ZNF558: variants seen among roughly 807,000 people sequenced by gnomAD.
The protein encoded by ZNF558 is zinc finger protein 558.
A neutral mutation model predicts 37.6 loss-of-function variants in ZNF558; 23 were observed. The ratio of observed to expected loss-of-function variants is 0.61; its 90% CI spans 0.44 to 0.87. ZNF558 has a LOEUF of 0.87. ZNF558 is among the 40% of genes least tolerant of loss of function. The pLI is 0.00. For missense variants in ZNF558, 429 were observed against 483.7 expected, an observed-to-expected ratio of 0.89 and a Z score of 1.06; for synonymous variants, 189 against 174.4, an observed-to-expected ratio of 1.08 and a Z score of -0.66.
intron 2 of ZNF558, among the ~76,000 whole-genome samples, chr19:8,828,815 T>G (rs1283846575): frequency 6.6e-6 from 1 of 151,428 alleles, no homozygotes; most frequent in African/African-American, 2.4e-5. Flanking sequence ...TACAAAAAAT[T>G]TGCCAGGTGT....
rs927296449 is a variant in ZNF558, at chr19:8,808,099, A to C, written c.*3182T>G. 1.3e-5 allele frequency: 2 copies of C among 152,202 alleles called. No homozygotes were observed. Among genetic ancestry groups the C allele is most frequent in the Admixed American group, 1.3e-4 (2 of 15,268 alleles). 9.4% of individuals were successfully genotyped at this position (152,202 alleles called of 1,614,324 possible). On this transcript the variant is annotated 3_prime_UTR_variant, in exon 10 of 10. Transcript: ENST00000601372. ...GCAATATAAATGTCTGACCATCAGG[A>C]GTTCGAGACTAGCCTGGCCAACATG...
intron 2 of ZNF558, among the ~76,000 whole-genome samples, chr19:8,828,108 G>A (rs1427158352): frequency 1.3e-5 from 2 of 152,278 alleles, no homozygotes; most frequent in Middle Eastern, 3.4e-3. Context: ...CCCCAAGTGG[G>A]AAAATAAAGG....
intron 6 of ZNF558, 138 bp from the exon 7 acceptor site, chr19:8,821,444 C>T: frequency 6.5e-7 from 1 of 1,539,138 alleles, no homozygotes. Context: ...GAGCTCACCT[C>T]CCAGGGTTCT....
intron 6 of ZNF558, chr19:8,821,532 ATGCT>A: frequency 7.0e-6 from 10 of 1,431,616 alleles, no homozygotes; most frequent in Non-Finnish European, 8.2e-6. Context: ...TCAGCCCTCA[ATGCT>A]TGTCTCCTTA....
At chr19:8,824,465 T>G (rs1387835439) in intron 3 of ZNF558, 48 bp from the exon 4 acceptor site, 1 of 152,206 alleles carries the variant, frequency 6.6e-6, no homozygotes, top group Non-Finnish European at 1.5e-5. Flanking sequence ...TTGTTTCAAG[T>G]GACTAAGGTT....
chr19:8,816,441 A>T (rs962346253), intron 7 of ZNF558, among the ~76,000 whole-genome samples: 3 of 152,194 alleles, frequency 2.0e-5, no homozygotes, highest in African/African-American at 7.2e-5. Flanking sequence ...CTTATGACGT[A>T]AACAGGATCC....
intron 7 of ZNF558, among the ~76,000 whole-genome samples, chr19:8,815,776 T>A (rs922239102): frequency 1.3e-5 from 2 of 150,930 alleles, no homozygotes; most frequent in Non-Finnish European, 2.9e-5. Context: ...ACAGAGTGAG[T>A]GAGAACCTGT....
At chr19:8,835,583 T>C (rs935434685), upstream of ZNF558, among the ~76,000 whole-genome samples, 12 of 152,202 alleles carry the variant, frequency 7.9e-5, no homozygotes, top group African/African-American at 2.9e-4. Context: ...GCTGTCAGGA[T>C]TGTAAAATGG....
At chr19:8,835,693 A>G (rs1027903953), upstream of ZNF558, among the ~76,000 whole-genome samples, 5 of 89,400 alleles carry the variant, frequency 5.6e-5, no homozygotes, top group Non-Finnish European at 1.4e-4. Flanking sequence ...AAGAGAAATG[A>G]AAACATGTGT....
In ZNF558 at chr19:8,822,732, A is replaced by T. The variant is rs1384842464; in HGVS notation, c.-65-8T>A. On this transcript the variant is annotated splice_region_variant and splice_polypyrimidine_tract_variant and intron_variant, in intron 4 of 9. Transcript: ENST00000601372. The surrounding 1 kb of genome is among the most constrained non-coding windows in gnomAD (Gnocchi z 4.4). ...CCTTTATCCCGCAGCGCTCTGGAAG[A>T]AACGGGAATGCTCCAAGTCTCCGTG... 11 of 1,611,734 alleles carry T rather than the reference A, an allele frequency of 6.8e-6. No individual in the cohort carries two copies. Among genetic ancestry groups the T allele is most frequent in the Middle Eastern group, 1.7e-4 (1 of 6,048 alleles).
At chr19:8,815,155 C>T (rs2043902308) in intron 7 of ZNF558, among the ~76,000 whole-genome samples, 2 of 152,202 alleles carry the variant, frequency 1.3e-5, no homozygotes, top group African/African-American at 4.8e-5. Flanking sequence ...TTCAGAAGTT[C>T]AAACACTGGA....
At chr19:8,833,667 A>C (rs1247890248), upstream of ZNF558, 1 of 152,196 alleles carries the variant, frequency 6.6e-6, no homozygotes, top group African/African-American at 2.4e-5. Flanking sequence ...TGATAAATAG[A>C]ATACATGGTG....
the ZNF558 span, among the ~76,000 whole-genome samples, chr19:8,837,515 C>G: frequency 1.9e-4 from 29 of 152,242 alleles, no homozygotes; most frequent in Admixed American, 5.2e-4. Context: ...TTCCAGGGCT[C>G]GACAACCACT....
At chr19:8,818,711 G>A (rs1294870603) in intron 7 of ZNF558, among the ~76,000 whole-genome samples, 1 of 152,110 alleles carries the variant, frequency 6.6e-6, no homozygotes, top group Non-Finnish European at 1.5e-5. Context: ...TCAAGGCATT[G>A]TGGTACTGAC....
At chr19:8,821,725 T>C (rs2044096956) in intron 6 of ZNF558, 4 of 1,306,088 alleles carry the variant, frequency 3.1e-6, no homozygotes, top group East Asian at 3.3e-5. Context: ...TATTAATTGC[T>C]TGGGTTTAGA....
chr19:8,822,478 G>A lies in ZNF558; in HGVS notation c.31+151C>T, dbSNP rs567712184. The A allele has an allele frequency of 3.4e-4, 373 of 1,093,666 alleles. No individual in the cohort carries two copies. Among genetic ancestry groups the A allele is most frequent in the Non-Finnish European group, 2.2e-4 (169 of 754,176 alleles). The allele number at this position is 1,093,666 out of a possible 1,614,324, so 67.7% of individuals were successfully genotyped here. On this transcript the variant is annotated intron_variant, in intron 5 of 9. Coordinates refer to ENST00000601372, the MANE Select transcript of ZNF558 (RefSeq NM_144693.3). This position sits in a 1 kb window ranked among gnomAD's most constrained non-coding sequence, Gnocchi z 4.4. ...CCCAAATGCCTAAGTCCCAAATCCCGAGAGCTGCCCGATCAGACACGGAGG... is the reference window on the plus strand; with the variant it reads ...CCCAAATGCCTAAGTCCCAAATCCCAAGAGCTGCCCGATCAGACACGGAGG...
At chr19:8,818,101 T>C (rs1179173346) in intron 7 of ZNF558, among the ~76,000 whole-genome samples, 2 of 152,076 alleles carry the variant, frequency 1.3e-5, no homozygotes, top group African/African-American at 4.8e-5. Flanking sequence ...TCTGACTAAA[T>C]TAAAAAACAA....
chr19:8,816,873 G>GC (rs1216532255), intron 7 of ZNF558, among the ~76,000 whole-genome samples: 2 of 152,158 alleles, frequency 1.3e-5, no homozygotes, highest in African/African-American at 4.8e-5. Flanking sequence ...GCATACAGAT[G>GC]CAATTTGTGA....
chr19:8,835,698 ATG>A (rs375498576), upstream of ZNF558, among the ~76,000 whole-genome samples: 1 of 22,508 alleles, frequency 4.4e-5, no homozygotes, highest in African/African-American at 9.3e-5. Context: ...AAATGAAAAC[ATG>A]TGTTCACATG....
Sources: allele counts gnomAD v4.1 joint callset (sites outside exome capture counted in the v4.1 genomes callset), GRCh38; gene constraint gnomAD v4.1.1; non-coding constraint Gnocchi (gnomAD v3.1); transcripts MANE v1.5; gene names NCBI Gene and HGNC (gene_info 2026-07-23, HGNC 2026-07-21).